Variants in ADAMTS12 observed in about 807,000 individuals in gnomAD.
ADAMTS12 encodes ADAM metallopeptidase with thrombospondin type 1 motif 12, also known as A disintegrin and metalloproteinase with thrombospondin motifs 12.
In ADAMTS12, 118 loss-of-function variants were observed where a neutral mutation model predicts 167.8. The ratio of observed to expected loss-of-function variants is 0.70; its 90% CI spans 0.61 to 0.82. The LOEUF (loss-of-function observed/expected upper bound fraction) is 0.82. Among genes scored for constraint, ADAMTS12 ranks in the 40% least tolerant of loss-of-function variants. The pLI is 0.00. For synonymous variants in ADAMTS12, 704 were observed against 716.9 expected (o/e 0.98, Z 0.29); for missense variants, 1,916 against 1,998.8 (o/e 0.96, Z 0.79).
intron 2 of ADAMTS12, among the ~76,000 whole-genome samples, chr5:33,830,809 T>C (rs969527652): frequency 5.3e-5 from 8 of 152,110 alleles, no homozygotes; most frequent in Admixed American, 2.0e-4. Context: ...ATAGCTTTCA[T>C]TTATATTGCT....
At chr5:33,684,160 A>G in intron 3 of ADAMTS12, 105 bp from the exon 4 acceptor site, 1 of 868,984 alleles carries the variant, frequency 1.2e-6, no homozygotes, top group Non-Finnish European at 1.5e-6. Context: ...TACATTTAAT[A>G]ATATAAACGC....
At chr5:33,589,958 A>G (rs1229087296) in intron 17 of ADAMTS12, among the ~76,000 whole-genome samples, 1 of 152,308 alleles carries the variant, frequency 6.6e-6, no homozygotes, top group East Asian at 1.9e-4. Flanking sequence ...CCTCAATTCA[A>G]TCATATTCTT....
chr5:33,528,396 A>T (rs989552163), intron 23 of ADAMTS12, among the ~76,000 whole-genome samples: 1 of 152,186 alleles, frequency 6.6e-6, no homozygotes, highest in African/African-American at 2.4e-5. Flanking sequence ...ATCCCCCACA[A>T]CTACTTTGGT....
intron 2 of ADAMTS12, among the ~76,000 whole-genome samples, chr5:33,788,132 G>C (rs1356754151): frequency 6.6e-6 from 1 of 152,158 alleles, no homozygotes; most frequent in Non-Finnish European, 1.5e-5. Flanking sequence ...CTACAGTCTT[G>C]CTCTGGAATA....
At chr5:33,600,678 C>A (rs903566637) in intron 16 of ADAMTS12, among the ~76,000 whole-genome samples, 1 of 152,152 alleles carries the variant, frequency 6.6e-6, no homozygotes, top group South Asian at 2.1e-4. Flanking sequence ...CTGTTAAGGT[C>A]TCTTTTTTAA....
intron 3 of ADAMTS12, among the ~76,000 whole-genome samples, chr5:33,693,587 T>C (rs545307090): frequency 1.3e-5 from 2 of 152,306 alleles, no homozygotes; most frequent in East Asian, 3.9e-4. Context: ...ACTCCATAGA[T>C]GCAGAGAAGG....
At chr5:33,876,859 G>A (rs12522657) in intron 2 of ADAMTS12, among the ~76,000 whole-genome samples, 31,601 of 152,170 alleles carry the variant, frequency 0.21, 4,102 homozygotes, top group Admixed American at 0.29. Context: ...AGGAAACTGG[G>A]TAGAGGGTAC....
chr5:33,644,146 T>C (rs1435108012), intron 9 of ADAMTS12, among the ~76,000 whole-genome samples: 1 of 152,256 alleles, frequency 6.6e-6, no homozygotes, highest in Non-Finnish European at 1.5e-5. Context: ...CATGTGTTTT[T>C]TCATTATATG....
intron 6 of ADAMTS12, among the ~76,000 whole-genome samples, chr5:33,660,643 A>G (rs1156700228): frequency 6.6e-6 from 1 of 152,114 alleles, no homozygotes; most frequent in African/African-American, 2.4e-5. Context: ...TTTCTGTCTG[A>G]CTGAAGCCTT....
At chr5:33,793,694 G>T (rs1726659830) in intron 2 of ADAMTS12, among the ~76,000 whole-genome samples, 1 of 152,072 alleles carries the variant, frequency 6.6e-6, no homozygotes, top group Admixed American at 6.6e-5. Flanking sequence ...TCAGGGAAGT[G>T]GGGGAAAGCC....
At chr5:33,879,723 C>G (rs1026774954) in intron 2 of ADAMTS12, among the ~76,000 whole-genome samples, 1 of 152,206 alleles carries the variant, frequency 6.6e-6, no homozygotes, top group African/African-American at 2.4e-5. Context: ...CAAAGCAATT[C>G]ATCCCCAGAG....
chr5:33,653,363 C>G (rs973127447), intron 7 of ADAMTS12, among the ~76,000 whole-genome samples: 1 of 151,912 alleles, frequency 6.6e-6, no homozygotes, highest in Non-Finnish European at 1.5e-5. Flanking sequence ...GAAATAAATC[C>G]CACTTGGTCA....
intron 22 of ADAMTS12, among the ~76,000 whole-genome samples, chr5:33,537,847 G>A (rs1021669677): frequency 3.9e-5 from 6 of 152,186 alleles, no homozygotes; most frequent in Non-Finnish European, 5.9e-5. Context: ...CAAATAGCTG[G>A]GGGCATTATG....
At chr5:33,883,327 G>GTTTTTTTTTT (rs79064946) in intron 1 of ADAMTS12, among the ~76,000 whole-genome samples, 42 of 111,592 alleles carry the variant, frequency 3.8e-4, no homozygotes, top group African/African-American at 5.0e-4. Context: ...TTTTTTTTTT[G>GTTTTTTTTTT]TTTTTTTTTT....
chr5:33,573,304 C>A (rs1425162011), intron 19 of ADAMTS12, among the ~76,000 whole-genome samples: 1 of 152,058 alleles, frequency 6.6e-6, no homozygotes, highest in Non-Finnish European at 1.5e-5. Flanking sequence ...CAATCCTAAG[C>A]CAAAAGAACA....
intron 3 of ADAMTS12, among the ~76,000 whole-genome samples, chr5:33,731,723 T>A (rs1442337112): frequency 6.6e-6 from 1 of 152,218 alleles, no homozygotes; most frequent in Non-Finnish European, 1.5e-5. Flanking sequence ...CACGATGCTC[T>A]GGCTGAGGCA....
At chr5:33,738,150 T>C (rs1744434299) in intron 3 of ADAMTS12, among the ~76,000 whole-genome samples, 1 of 152,038 alleles carries the variant, frequency 6.6e-6, no homozygotes, top group Non-Finnish European at 1.5e-5. Context: ...TAGTGGAAAG[T>C]GTGTGGGATG....
chr5:33,696,539 G>A (rs1001069844), intron 3 of ADAMTS12, among the ~76,000 whole-genome samples: 5 of 151,776 alleles, frequency 3.3e-5, no homozygotes, highest in African/African-American at 4.8e-5. Context: ...ATTCTTTTCC[G>A]GGACCCTAAC....
chr5:33,763,616 G>A (rs1745431329), intron 2 of ADAMTS12, among the ~76,000 whole-genome samples: 1 of 152,202 alleles, frequency 6.6e-6, no homozygotes, highest in African/African-American at 2.4e-5. Context: ...ACCCATTCAG[G>A]GAAGTCCAGG....
Sources: gnomAD v4.1 joint callset for allele counts (sites outside exome capture counted in the v4.1 genomes callset) on GRCh38, gnomAD v4.1.1 for gene constraint, MANE v1.5 for transcripts, NCBI Gene and HGNC (gene_info 2026-07-23, HGNC 2026-07-21) for gene names.